Variants in RUNX1 observed in about 807,000 individuals in gnomAD.
RUNX1 encodes the protein runt-related transcription factor 1.
RUNX1 carries 19 observed loss-of-function variants against 42.8 expected under a neutral mutation model. The observed-to-expected ratio is 0.44, with a 90% CI of 0.31 to 0.65. RUNX1 has a LOEUF of 0.65. Ranked by LOEUF, RUNX1 falls within the 30% of genes least tolerant of loss-of-function variation. The probability of loss-of-function intolerance (pLI) is 0.07; values close to 1 mark genes in which losing one functional copy is unlikely to be tolerated. For synonymous variants in RUNX1, 271 were observed against 289.4 expected, an observed-to-expected ratio of 0.94 and a Z score of 0.64; for missense variants, 528 against 672.0, an observed-to-expected ratio of 0.79 and a Z score of 2.37.
At chr21:34,853,066 A>C (rs1365834923) in intron 6 of RUNX1, among the ~76,000 whole-genome samples, 1 of 152,314 alleles carries the variant, frequency 6.6e-6, no homozygotes, top group East Asian at 1.9e-4. Context: ...ACTACTCTGC[A>C]GGTCACTCCA....
intron 8 of RUNX1, chr21:34,798,214 C>T (rs1242437686): frequency 4.5e-6 from 2 of 444,368 alleles, no homozygotes; most frequent in African/African-American, 4.0e-5. Context: ...CGCCCCGTTC[C>T]CCCAACACAC....
At position 34,871,776 on chromosome 21, in the gene RUNX1, T is replaced by C. The variant is rs371154732; in HGVS notation, c.508+8781A>G. On this transcript the variant is annotated intron_variant, in intron 5 of 8. Coordinates refer to ENST00000675419, the MANE Select transcript of RUNX1 (RefSeq NM_001754.5). ...AGTGCCTTCATTTTTATTTAGGGTA[T>C]GCAGACTGAGCCATTTTGGTGTCTG... Among the ~76,000 whole-genome samples, 15 of 152,062 alleles carry C rather than the reference T, an allele frequency of 9.9e-5. No homozygotes were observed. In the South Asian group the frequency reaches 1.5e-3, roughly 15 times the overall value.
At chr21:34,874,753 C>G (rs1333438486) in intron 5 of RUNX1, among the ~76,000 whole-genome samples, 2 of 151,758 alleles carry the variant, frequency 1.3e-5, no homozygotes, top group Admixed American at 6.6e-5. Context: ...CTCTCTTGCC[C>G]CTTGCCAACC....
chr21:34,842,428 G>A (rs2057250781), intron 6 of RUNX1, among the ~76,000 whole-genome samples: 1 of 137,316 alleles, frequency 7.3e-6, no homozygotes, highest in South Asian at 2.3e-4. Flanking sequence ...CCAGGAGGTA[G>A]AGGCTGTAGT....
chr21:34,851,849 A>G (rs770331157), intron 6 of RUNX1, among the ~76,000 whole-genome samples: 1 of 152,188 alleles, frequency 6.6e-6, no homozygotes, highest in Non-Finnish European at 1.5e-5. Context: ...TTCTTTCTAT[A>G]GCAATACAAA....
At chr21:35,023,532 C>G (rs2242891) in intron 2 of RUNX1, among the ~76,000 whole-genome samples, 69,020 of 152,096 alleles carry the variant, frequency 0.45, 16,256 homozygotes, top group Middle Eastern at 0.51. Flanking sequence ...CCTCCCTAGC[C>G]GGGAGGCCAG....
intron 6 of RUNX1, among the ~76,000 whole-genome samples, chr21:34,844,278 G>A (rs149468007): frequency 6.6e-6 from 1 of 152,330 alleles, no homozygotes; most frequent in African/African-American, 2.4e-5. Flanking sequence ...GCTGCCTGGA[G>A]CTTCTGACAT....
chr21:34,821,581 T>G, intron 7 of RUNX1: 3 of 1,545,796 alleles, frequency 1.9e-6, no homozygotes, highest in Non-Finnish European at 1.7e-6. Context: ...CTGTCATCTT[T>G]CTTCTGAGTC....
intron 2 of RUNX1, among the ~76,000 whole-genome samples, chr21:34,922,561 C>G (rs532295881): frequency 6.6e-6 from 1 of 152,142 alleles, no homozygotes; most frequent in South Asian, 2.1e-4. Flanking sequence ...GGTGAAGAGT[C>G]TTCCAGAAAG....
intron 2 of RUNX1, among the ~76,000 whole-genome samples, chr21:34,912,366 C>G (rs985075504): frequency 1.3e-5 from 2 of 151,858 alleles, no homozygotes; most frequent in African/African-American, 4.8e-5. Context: ...CTCTGTTTTG[C>G]GATACTCTTG....
chr21:34,888,646 TCCGGCCGCGGGGCGCCCGTC>T (rs2058033544), intron 3 of RUNX1: 1 of 1,051,102 alleles, frequency 9.5e-7, no homozygotes, highest in Non-Finnish European at 1.1e-6. Context: ...CCTGGCTGGG[TCCGGCCGCGGGGCGCCCGTC>T]CCGCCCGCGC....
chr21:34,928,787 T>G (rs188524235), intron 2 of RUNX1, among the ~76,000 whole-genome samples: 5 of 152,150 alleles, frequency 3.3e-5, no homozygotes, highest in African/African-American at 1.2e-4. Flanking sequence ...AAAACAGTAG[T>G]GTTTTTTGTT....
At chr21:34,915,100 G>T (rs547325098) in intron 2 of RUNX1, among the ~76,000 whole-genome samples, 6 of 152,262 alleles carry the variant, frequency 3.9e-5, no homozygotes, top group Admixed American at 2.0e-4. Flanking sequence ...CAACGAGACC[G>T]CTTTTAGACT....
intron 3 of RUNX1, among the ~76,000 whole-genome samples, chr21:34,891,180 G>C (rs1382650149): frequency 6.6e-6 from 1 of 152,236 alleles, no homozygotes; most frequent in African/African-American, 2.4e-5. Flanking sequence ...TATCGAGTAA[G>C]GAAAGTTGGT....
chr21:35,037,088 T>C (rs912358068), intron 2 of RUNX1, among the ~76,000 whole-genome samples: 10 of 152,202 alleles, frequency 6.6e-5, no homozygotes. Context: ...AGGTCAGCCT[T>C]GTACAACAAT....
chr21:34,881,905 A>G (rs868690522), intron 4 of RUNX1, among the ~76,000 whole-genome samples: 88 of 152,328 alleles, frequency 5.8e-4, no homozygotes, highest in African/African-American at 2.0e-3. Flanking sequence ...CAGTCATACA[A>G]CTTCAAATCG....
chr21:34,866,218 A>G (rs765993434), intron 5 of RUNX1, among the ~76,000 whole-genome samples: 115 of 152,308 alleles, frequency 7.6e-4, no homozygotes, highest in Non-Finnish European at 1.5e-3. Flanking sequence ...AGGAAACACA[A>G]TCGCAACATT....
At chr21:35,011,185 G>A (rs566148408) in intron 2 of RUNX1, among the ~76,000 whole-genome samples, 1 of 152,292 alleles carries the variant, frequency 6.6e-6, no homozygotes, top group Non-Finnish European at 1.5e-5. Flanking sequence ...GATAAATGGT[G>A]CACCTGCAAG....
At chr21:34,925,991 C>T (rs904906062) in intron 2 of RUNX1, among the ~76,000 whole-genome samples, 3 of 151,898 alleles carry the variant, frequency 2.0e-5, no homozygotes, top group African/African-American at 7.3e-5. Flanking sequence ...TTAACTTATT[C>T]TTATCACAGT....
Sources: gnomAD v4.1 joint callset for allele counts (sites outside exome capture counted in the v4.1 genomes callset) on GRCh38, gnomAD v4.1.1 for gene constraint, MANE v1.5 for transcripts, NCBI Gene and HGNC (gene_info 2026-07-23, HGNC 2026-07-21) for gene names.